The following BNC2 variants were observed in gnomAD, a reference collection of about 807,000 sequenced individuals.
BNC2 encodes zinc finger protein basonuclin-2.
A neutral mutation model predicts 76.3 loss-of-function variants in BNC2; 20 were observed. That is an observed-to-expected ratio of 0.26 (90% confidence interval 0.18 to 0.38). The LOEUF (loss-of-function observed/expected upper bound fraction) is 0.38. BNC2 is among the 10% of genes least tolerant of loss of function. The probability of loss-of-function intolerance (pLI) is 1.00; values close to 1 mark genes in which losing one functional copy is unlikely to be tolerated. For synonymous variants in BNC2, 582 were observed against 514.8 expected, an observed-to-expected ratio of 1.13 and a Z score of -1.77; for missense variants, 1,382 against 1,399.8, an observed-to-expected ratio of 0.99 and a Z score of 0.20.
intron 5 of BNC2, among the ~76,000 whole-genome samples, chr9:16,448,855 G>T (rs955117120): frequency 6.6e-6 from 1 of 152,150 alleles, no homozygotes; most frequent in African/African-American, 2.4e-5. Flanking sequence ...TCCTTTGATT[G>T]CTCAGATTAA....
chr9:16,791,905 C>A lies in BNC2; in HGVS notation c.4-53420G>T, dbSNP rs576290441. 5.1e-4 allele frequency among the ~76,000 whole-genome samples: 78 copies of A among 152,218 alleles called. 2 individuals carry two copies. Among genetic ancestry groups the A allele is most frequent in the Admixed American group, 4.6e-3 (71 of 15,288 alleles). On this transcript the variant is annotated intron_variant, in intron 1 of 6. Coordinates refer to ENST00000380672, the MANE Select transcript of BNC2 (RefSeq NM_017637.6). The stretch of plus-strand genomic sequence containing the variant: ...ATCACTTAAGCCCAGAAGTTAGAGA[C>A]CAGCCTGGGCAGCATGGCAAAACTC...
intron 3 of BNC2, among the ~76,000 whole-genome samples, chr9:16,682,081 T>C (rs1475872910): frequency 6.6e-6 from 1 of 151,946 alleles, no homozygotes; most frequent in Non-Finnish European, 1.5e-5. Context: ...TGTGGATGTA[T>C]CTGTGAAGGA....
rs191599096 is a variant in BNC2, at chr9:16,672,313, C to A, written c.330+55484G>T. On this transcript the variant is annotated intron_variant, in intron 3 of 6. Transcript: ENST00000380672. ...GAGATCCAGACGGTCCTGGCTAACA[C>A]GGTGAAACCCCGTCTCTACTAAAAA... Among the ~76,000 whole-genome samples the A allele has an allele frequency of 2.0e-5, 3 of 152,068 alleles. No homozygotes were observed. The South Asian group carries it at 6.2e-4, about 32-fold the overall frequency.
Position 16,461,701 on chromosome 9 carries a change from G to A in BNC2, c.670-24177C>T, listed in dbSNP as rs370422825. 5.8e-4 allele frequency among the ~76,000 whole-genome samples: 89 copies of A among 152,196 alleles called. 3 individuals are homozygous for A. In the South Asian group the frequency reaches 0.018, roughly 31 times the overall value. On this transcript the variant is annotated intron_variant, in intron 5 of 6. Transcript: ENST00000380672. ...CACGCTGCATCACCAGGGACTGCTC[G>A]CTCCAGTGATTCAAGGAGGTTACAA... is the stretch of plus-strand genomic sequence containing the variant.
chr9:16,559,547 C>T (rs1418762795), intron 4 of BNC2, among the ~76,000 whole-genome samples: 1 of 152,244 alleles, frequency 6.6e-6, no homozygotes, highest in East Asian at 1.9e-4. Context: ...GTTTTCACCA[C>T]ATGTTCGAAT....
In BNC2 at chr9:16,740,562, T is replaced by C. The variant is rs144237626; in HGVS notation, c.4-2077A>G. 4.6e-3 allele frequency among the ~76,000 whole-genome samples: 695 copies of C among 152,274 alleles called. 1 individual carries two copies. The highest frequency in any genetic ancestry group is 0.015 in the African/African-American group (637 of 41,554). On this transcript the variant is annotated intron_variant, in intron 1 of 6. Transcript: ENST00000380672. ...CAGAGGAGTTAAGAAGTAAGCAAAT[T>C]GTGAAGACAAAGAAGCAGAAAAGAT...
chr9:16,729,436 G>A (rs983496005), intron 2 of BNC2, among the ~76,000 whole-genome samples: 2 of 152,168 alleles, frequency 1.3e-5, no homozygotes, highest in Non-Finnish European at 1.5e-5. Flanking sequence ...TTCAATGGCA[G>A]CTCTGTGTCA....
Position 16,638,783 on chromosome 9 carries a change from C to T in BNC2, c.331-55698G>A, listed in dbSNP as rs568165615. Among the ~76,000 whole-genome samples, 62 of 152,248 alleles carry T rather than the reference C, an allele frequency of 4.1e-4. 1 individual carries two copies. The South Asian group carries it at 0.012, about 30-fold the overall frequency. On this transcript the variant is annotated intron_variant, in intron 3 of 6. Transcript: ENST00000380672. ...AATACTATTTTTAATGTTTCCTTCTCTCCATTTATTTTAAATGAGTAAAAT... is the reference window on the plus strand; with the variant it reads ...AATACTATTTTTAATGTTTCCTTCTTTCCATTTATTTTAAATGAGTAAAAT...
chr9:16,866,046 T>C (rs1819536196), intron 1 of BNC2, among the ~76,000 whole-genome samples: 1 of 152,138 alleles, frequency 6.6e-6, no homozygotes, highest in Admixed American at 6.6e-5. Context: ...TCTCACTGGA[T>C]TATATTATTT....
intron 4 of BNC2, 53 bp downstream of exon 4, chr9:16,582,930 C>CACAG: frequency 7.6e-7 from 1 of 1,324,006 alleles, no homozygotes; most frequent in Non-Finnish European, 1.1e-6. Context: ...CACACACACA[C>CACAG]ACACGAACAT....
intron 4 of BNC2, 113 bp from the exon 5 acceptor site, chr9:16,552,878 G>C: frequency 1.2e-6 from 1 of 833,600 alleles, no homozygotes; most frequent in Non-Finnish European, 2.0e-6. Context: ...TTCTACACAT[G>C]AATGTTCGCC....
At chr9:16,870,111 G>A (rs1209833278) in intron 1 of BNC2, among the ~76,000 whole-genome samples, 3 of 152,150 alleles carry the variant, frequency 2.0e-5, no homozygotes, top group Admixed American at 6.5e-5. Flanking sequence ...AAGACAAGGG[G>A]AGAGGAAGAG....
chr9:16,501,807 G>A (rs1303523318), intron 5 of BNC2, among the ~76,000 whole-genome samples: 1 of 152,162 alleles, frequency 6.6e-6, no homozygotes, highest in Non-Finnish European at 1.5e-5. Flanking sequence ...GGAAGGTCAG[G>A]AAGCTAAGGT....
chr9:16,792,706 C>T (rs923455233), intron 1 of BNC2, among the ~76,000 whole-genome samples: 3 of 152,136 alleles, frequency 2.0e-5, no homozygotes, highest in East Asian at 3.9e-4. Context: ...GGAAAGAATT[C>T]GTATTTATCA....
At position 16,594,408 on chromosome 9, in the gene BNC2, C is replaced by T. The variant is rs147729154; in HGVS notation, c.331-11323G>A. 1.6e-3 allele frequency among the ~76,000 whole-genome samples: 242 copies of T among 152,264 alleles called. 1 individual carries two copies. The highest frequency in any genetic ancestry group is 5.5e-3 in the African/African-American group (229 of 41,560). ...AGAAAGGAGTTCCTCTAAATCTTTACCCTCTTTATAAAAGGAGCTGCCCAC... is the reference window on the plus strand; with the variant it reads ...AGAAAGGAGTTCCTCTAAATCTTTATCCTCTTTATAAAAGGAGCTGCCCAC... On this transcript the variant is annotated intron_variant, in intron 3 of 6. Transcript: ENST00000380672.
intron 5 of BNC2, among the ~76,000 whole-genome samples, chr9:16,450,680 A>G (rs1177098818): frequency 6.6e-6 from 1 of 152,238 alleles, no homozygotes; most frequent in Non-Finnish European, 1.5e-5. Flanking sequence ...ATGCATGTAC[A>G]CCATACAGTA....
At chr9:16,424,054 A>C (rs1207166105) in intron 6 of BNC2, among the ~76,000 whole-genome samples, 3 of 152,166 alleles carry the variant, frequency 2.0e-5, no homozygotes. Flanking sequence ...CCATGCAACC[A>C]CAGAAGACAT....
At chr9:16,641,636 G>T (rs1821495016) in intron 3 of BNC2, among the ~76,000 whole-genome samples, 1 of 152,138 alleles carries the variant, frequency 6.6e-6, no homozygotes, top group Non-Finnish European at 1.5e-5. Context: ...AAACAATCCT[G>T]CTATCACATA....
chr9:16,714,537 C>G (rs1010002163), intron 3 of BNC2, among the ~76,000 whole-genome samples: 1 of 152,250 alleles, frequency 6.6e-6, no homozygotes. Flanking sequence ...ATCTGACTTA[C>G]TCTAACACAA....
Sources: allele counts gnomAD v4.1 joint callset (sites outside exome capture counted in the v4.1 genomes callset), GRCh38; gene constraint gnomAD v4.1.1; transcripts MANE v1.5; gene names NCBI Gene and HGNC (gene_info 2026-07-23, HGNC 2026-07-21).